IFRD1: variants seen among roughly 807,000 people sequenced by gnomAD.
IFRD1 encodes interferon related developmental regulator 1.
A neutral mutation model predicts 52.9 loss-of-function variants in IFRD1; 35 were observed. The ratio of observed to expected loss-of-function variants is 0.66; its 90% CI spans 0.51 to 0.88. The LOEUF (loss-of-function observed/expected upper bound fraction) is 0.88, where lower values mean the gene tolerates loss of function less well. Among genes scored for constraint, IFRD1 ranks in the 40% least tolerant of loss-of-function variants. IFRD1 has a pLI of 0.00. For missense variants in IFRD1, 517 were observed against 550.8 expected, an observed-to-expected ratio of 0.94 and a Z score of 0.61; for synonymous variants, 184 against 188.4, an observed-to-expected ratio of 0.98 and a Z score of 0.19.
chr7:112,475,514 T>C lies in IFRD1; in HGVS notation c.1351T>C (p.Phe451Leu), dbSNP rs1357800612. 6.3e-7 allele frequency: 1 copy of C among 1,590,736 alleles called. No individual in the cohort carries two copies. The highest frequency in any genetic ancestry group is 1.7e-5 in the Admixed American group (1 of 59,964). ...TAAGAGAGCAGATGTTGGAGAATTCTTCTAGATTTTCAGAACTTGAAGACT... is the reference window on the plus strand; with the variant it reads ...TAAGAGAGCAGATGTTGGAGAATTCCTCTAGATTTTCAGAACTTGAAGACT... ...RDKRADVGEF[F>L] is the part of the protein sequence containing the mutation. Residue 451 changes from phenylalanine to leucine, a missense_variant, in exon 12 of 12, where the codon TTC becomes CTC. By Grantham distance (22) the Phe-to-Leu change is conservative (BLOSUM62 0). Coordinates refer to ENST00000403825, the MANE Select transcript of IFRD1 (RefSeq NM_001550.4).
rs751403442 is a variant in IFRD1, at chr7:112,475,560, T to G, written c.*41T>G. On this transcript the variant is annotated 3_prime_UTR_variant, in exon 12 of 12. Transcript: ENST00000403825. ...AGACTATTTTCTAATTTCTATTTTT[T>G]TTTCTATTTCAATGTATTTAAACTC... is the stretch of plus-strand genomic sequence containing the variant. 2 of 1,273,500 alleles carry G rather than the reference T, an allele frequency of 1.6e-6. No homozygotes were observed. Among genetic ancestry groups the G allele is most frequent in the South Asian group, 2.5e-5 (2 of 81,322 alleles). The allele number at this position is 1,273,500 out of a possible 1,614,324, so 78.9% of individuals were successfully genotyped here.
chr7:112,464,835 A>G (rs1309053360), intron 8 of IFRD1, among the ~76,000 whole-genome samples: 4 of 152,202 alleles, frequency 2.6e-5, no homozygotes, highest in Non-Finnish European at 5.9e-5. Flanking sequence ...GGGAAGTGCT[A>G]CAGCACAGCG....
chr7:112,443,441 A>G (rs1005463385), intron 1 of IFRD1, among the ~76,000 whole-genome samples: 2 of 151,620 alleles, frequency 1.3e-5, no homozygotes, highest in Non-Finnish European at 2.9e-5. Context: ...GCTGGGATAC[A>G]TGCGTCTGTA....
chr7:112,449,470 C>A (rs1177723372), upstream of IFRD1, among the ~76,000 whole-genome samples: 1 of 152,236 alleles, frequency 6.6e-6, no homozygotes, highest in Non-Finnish European at 1.5e-5. Flanking sequence ...GAATAGAGCT[C>A]AGCTGAGAGG....
Position 112,450,617 on chromosome 7 carries a change from C to A in IFRD1, c.-72C>A, listed in dbSNP as rs1454547282. The A allele has an allele frequency of 4.1e-6, 5 of 1,218,502 alleles. No homozygotes were observed. The Admixed American group carries it at 8.5e-5, about 21-fold the overall frequency. The allele number at this position is 1,218,502 out of a possible 1,614,324, so 75.5% of individuals were successfully genotyped here. ...CTCAGCCGCCCGCCGCACAGACGCA[C>A]GAGTAAAAAGTGCAGCTCCATCGGC... On this transcript the variant is annotated 5_prime_UTR_variant, in exon 1 of 12. Coordinates refer to ENST00000403825, the MANE Select transcript of IFRD1 (RefSeq NM_001550.4).
intron 1 of IFRD1, among the ~76,000 whole-genome samples, chr7:112,435,156 T>G (rs1199455181): frequency 6.6e-6 from 1 of 152,216 alleles, no homozygotes; most frequent in Non-Finnish European, 1.5e-5. Flanking sequence ...GCAATAATTT[T>G]ACTTTAGATT....
upstream of IFRD1, among the ~76,000 whole-genome samples, chr7:112,448,126 T>TAAA (rs33983901): frequency 0.2 from 26,236 of 132,606 alleles, 3,309 homozygotes; most frequent in East Asian, 0.65. Flanking sequence ...CCTGTAGATT[T>TAAA]AAAAAAAAAA....
rs1255859559 is a variant in IFRD1 at position 112,461,928 on chromosome 7, A to T, written c.618+12A>T. Reference sequence around the variant, plus strand: ...CAGATGACATTACTGTAAGTAAAAAACCTTTGATTCTAGTTATCTGCAGTT... The same window carrying T: ...CAGATGACATTACTGTAAGTAAAAATCCTTTGATTCTAGTTATCTGCAGTT... On this transcript the variant is annotated intron_variant, in intron 6 of 11. Coordinates refer to ENST00000403825, the MANE Select transcript of IFRD1 (RefSeq NM_001550.4). 1 of 1,609,754 alleles carries T rather than the reference A, an allele frequency of 6.2e-7. No homozygotes were observed. The highest frequency in any genetic ancestry group is 8.5e-7 in the Non-Finnish European group (1 of 1,176,408).
intron 8 of IFRD1, among the ~76,000 whole-genome samples, chr7:112,464,980 G>A (rs968663970): frequency 2.0e-5 from 3 of 152,162 alleles, no homozygotes; most frequent in Non-Finnish European, 4.4e-5. Context: ...CTGACTCTGT[G>A]TAAAAATATC....
Position 112,450,614 on chromosome 7 carries a change from G to T in IFRD1, c.-75G>T, listed in dbSNP as rs987241758. 11 of 1,185,880 alleles carry T rather than the reference G, an allele frequency of 9.3e-6. No individual in the cohort carries two copies. The East Asian group carries it at 2.1e-4, about 23-fold the overall frequency. The allele number at this position is 1,185,880 out of a possible 1,614,324, so 73.5% of individuals were successfully genotyped here. ...CCTCTCAGCCGCCCGCCGCACAGAC[G>T]CACGAGTAAAAAGTGCAGCTCCATC... On this transcript the variant is annotated 5_prime_UTR_variant, in exon 1 of 12. Transcript: ENST00000403825.
chr7:112,434,295 A>G (rs1794619648), intron 1 of IFRD1, among the ~76,000 whole-genome samples: 1 of 152,152 alleles, frequency 6.6e-6, no homozygotes, highest in South Asian at 2.1e-4. Context: ...AGAGCATGAA[A>G]AGAGTTTGAA....
At chr7:112,451,284 C>A (rs773543877) in intron 1 of IFRD1, 2 of 159,352 alleles carry the variant, frequency 1.3e-5, no homozygotes, top group Admixed American at 6.4e-5. Context: ...GCGGTGGGCC[C>A]GGGGTGACGC....
At chr7:112,432,083 C>T (rs1794560140) in intron 1 of IFRD1, among the ~76,000 whole-genome samples, 2 of 152,174 alleles carry the variant, frequency 1.3e-5, no homozygotes, top group Admixed American at 6.5e-5. Context: ...ATTGCCTACT[C>T]CTATAATTAC....
chr7:112,473,830 T>C (rs1461270182), intron 11 of IFRD1, among the ~76,000 whole-genome samples: 1 of 152,194 alleles, frequency 6.6e-6, no homozygotes, highest in East Asian at 1.9e-4. Context: ...ATTACATTCA[T>C]GATGTTGTAC....
At chr7:112,447,462 A>G (rs1465569206), upstream of IFRD1, among the ~76,000 whole-genome samples, 1 of 152,194 alleles carries the variant, frequency 6.6e-6, no homozygotes, top group African/African-American at 2.4e-5. Context: ...ATTCTTAACA[A>G]CAGAACCTCA....
rs543250862 is a variant in IFRD1 at position 112,467,193 on chromosome 7, A to G, written c.907-788A>G. ...TAAATGATTCTTAACCTCTAATGCA[A>G]TAAATGTTAAACATGTATGAATAAA... is the stretch of plus-strand genomic sequence containing the variant. On this transcript the variant is annotated intron_variant, in intron 8 of 11. Transcript: ENST00000403825. Among the ~76,000 whole-genome samples the G allele has an allele frequency of 3.9e-5, 6 of 152,310 alleles. No individual in the cohort carries two copies. In the East Asian group the frequency reaches 9.6e-4, roughly 24 times the overall value.
rs1323404436 is a variant in IFRD1, at chr7:112,455,766, G to A, written c.98G>A (p.Gly33Asp). The A allele has an allele frequency of 2.5e-6, 4 of 1,600,922 alleles. No homozygotes were observed. Among genetic ancestry groups the A allele is most frequent in the Non-Finnish European group, 3.4e-6 (4 of 1,168,314 alleles). Reference sequence around the variant, plus strand: ...TCTTTCCTCTTTTACCTAATAGGTGGCCAGCATCGAAATGTTCAGCCTTTT... The same window carrying A: ...TCTTTCCTCTTTTACCTAATAGGTGACCAGCATCGAAATGTTCAGCCTTTT... ...AAAATAATAG[G>D]QHRNVQPFSD... Residue 33 changes from glycine (G) to aspartate (D), a missense_variant, in exon 2 of 12, where the codon GGC becomes GAC. Coordinates refer to ENST00000403825, the MANE Select transcript of IFRD1 (RefSeq NM_001550.4).
chr7:112,463,871 CACACACACACACACACACACACA>C (rs1173871958), intron 8 of IFRD1, among the ~76,000 whole-genome samples: 1 of 42,402 alleles, frequency 2.4e-5, no homozygotes, highest in Non-Finnish European at 5.3e-5. Context: ...CACACACACA[CACACACACACACACACACACACA>C]CCCCACGTAT....
chr7:112,465,259 C>T (rs1214905294), intron 8 of IFRD1, among the ~76,000 whole-genome samples: 1 of 152,082 alleles, frequency 6.6e-6, no homozygotes, highest in Non-Finnish European at 1.5e-5. Context: ...CTTAGCTATC[C>T]AAGACCCAGC....
Sources: gnomAD v4.1 joint callset for allele counts (sites outside exome capture counted in the v4.1 genomes callset) on GRCh38, gnomAD v4.1.1 for gene constraint, MANE v1.5 for transcripts, NCBI Gene and HGNC (gene_info 2026-07-23, HGNC 2026-07-21) for gene names.